The following DOCK1 variants were observed in gnomAD, a reference collection of about 807,000 sequenced individuals.
DOCK1 encodes the protein dedicator of cytokinesis 1, also known as dedicator of cytokinesis protein 1.
In DOCK1, 138 loss-of-function variants were observed where a neutral mutation model predicts 262.7. The observed-to-expected ratio is 0.53, with a 90% CI of 0.46 to 0.61. DOCK1 has a LOEUF of 0.61. Among genes scored for constraint, DOCK1 ranks in the 20% least tolerant of loss-of-function variants. The probability of loss-of-function intolerance (pLI) is 0.00; values close to 1 mark genes in which losing one functional copy is unlikely to be tolerated. For missense variants in DOCK1, 1,908 were observed against 2,370.7 expected (o/e 0.80, Z 4.05); for synonymous variants, 866 against 867.4 (o/e 1.00, Z 0.03).
rs2033484111 is a variant in DOCK1 at position 126,924,247 on chromosome 10, AACTGAGT to A, written c.46+18685_46+18691del. On this transcript the variant is annotated intron_variant, in intron 1 of 51. Coordinates refer to ENST00000623213, the MANE Select transcript of DOCK1 (RefSeq NM_001290223.2). ...CTGAATGCTGGAACTGAGCAGGGGG[AACTGAGT>A]GCTGGAACTCAGTAGGGGGAGGCTG... 5.0e-5 allele frequency among the ~76,000 whole-genome samples: 7 copies of A among 139,194 alleles called. 1 individual carries two copies. Among genetic ancestry groups the A allele is most frequent in the African/African-American group, 1.9e-4 (7 of 36,786 alleles). The allele number at this position is 139,194 out of a possible 152,430, so 91.3% of individuals were successfully genotyped here.
chr10:127,226,109 T>C (rs1222068142), intron 27 of DOCK1, among the ~76,000 whole-genome samples: 1 of 150,044 alleles, frequency 6.7e-6, no homozygotes, highest in Non-Finnish European at 1.5e-5. Context: ...ATGTAGTTAA[T>C]AGCATATGCT....
chr10:127,273,012 C>A (rs2060623826), intron 29 of DOCK1, among the ~76,000 whole-genome samples: 1 of 152,136 alleles, frequency 6.6e-6, no homozygotes, highest in East Asian at 1.9e-4. Flanking sequence ...CCTCCCACAA[C>A]ACGTGGGAAT....
intron 1 of DOCK1, among the ~76,000 whole-genome samples, chr10:126,926,046 G>GCA (rs2033690743): frequency 6.6e-6 from 1 of 152,026 alleles, no homozygotes. Flanking sequence ...GCCTCAGTTT[G>GCA]CACATCTGTA....
At chr10:127,091,536 G>T (rs1390113999) in intron 23 of DOCK1, among the ~76,000 whole-genome samples, 1 of 152,192 alleles carries the variant, frequency 6.6e-6, no homozygotes, top group South Asian at 2.1e-4. Context: ...TCTTCACTGG[G>T]GATCAAGGTC....
intron 29 of DOCK1, among the ~76,000 whole-genome samples, chr10:127,304,392 A>AT (rs1176328426): frequency 1.3e-5 from 2 of 152,118 alleles, no homozygotes; most frequent in African/African-American, 2.4e-5. Flanking sequence ...ATATATTTGT[A>AT]TTTTCACTAA....
chr10:127,195,494 C>A (rs2057049995), intron 27 of DOCK1, among the ~76,000 whole-genome samples: 1 of 152,130 alleles, frequency 6.6e-6, no homozygotes, highest in Non-Finnish European at 1.5e-5. Context: ...CCTCAACGGC[C>A]GGCGTCAGGG....
intron 4 of DOCK1, among the ~76,000 whole-genome samples, chr10:126,984,519 G>T (rs1274593865): frequency 6.7e-6 from 1 of 149,012 alleles, no homozygotes; most frequent in Admixed American, 6.7e-5. Context: ...GCTAATTTTT[G>T]TGTGTGTGTG....
intron 1 of DOCK1, among the ~76,000 whole-genome samples, chr10:126,965,716 T>C (rs2037623358): frequency 6.6e-6 from 1 of 152,146 alleles, no homozygotes; most frequent in African/African-American, 2.4e-5. Flanking sequence ...TGCTTTTCCC[T>C]GAATGGGTGT....
At chr10:127,061,919 A>C in intron 23 of DOCK1, 143 bp downstream of exon 23, 1 of 482,648 alleles carries the variant, frequency 2.1e-6, no homozygotes, top group Non-Finnish European at 3.5e-6. Context: ...ATTTGATTTC[A>C]AGAGCTGTGC....
At chr10:127,154,343 A>G (rs2052818299) in intron 27 of DOCK1, among the ~76,000 whole-genome samples, 1 of 152,240 alleles carries the variant, frequency 6.6e-6, no homozygotes, top group African/African-American at 2.4e-5. Context: ...TGCGGCCTGC[A>G]GGCCAAATCC....
rs576274303 is a variant in DOCK1, at chr10:127,046,153, G to A, written c.2201+2989G>A. Among the ~76,000 whole-genome samples, 588 of 152,128 alleles carry A rather than the reference G, an allele frequency of 3.9e-3. 1 individual carries two copies. Among genetic ancestry groups the A allele is most frequent in the Middle Eastern group, 0.014 (4 of 294 alleles). ...GTTCTATGGAATGTTTATTCCCTGGGATATTAATATATGTAATAAGAGGTG... is the reference window on the plus strand; with the variant it reads ...GTTCTATGGAATGTTTATTCCCTGGAATATTAATATATGTAATAAGAGGTG... On this transcript the variant is annotated intron_variant, in intron 21 of 51. Coordinates refer to ENST00000623213, the MANE Select transcript of DOCK1 (RefSeq NM_001290223.2).
At chr10:127,443,061 G>T (rs142770717) in intron 49 of DOCK1, among the ~76,000 whole-genome samples, 9 of 152,200 alleles carry the variant, frequency 5.9e-5, no homozygotes, top group African/African-American at 2.2e-4. Flanking sequence ...GGCTGTGAGG[G>T]AGAGTCTACA....
chr10:126,982,503 G>A (rs1469866567), intron 4 of DOCK1, among the ~76,000 whole-genome samples: 1 of 152,170 alleles, frequency 6.6e-6, no homozygotes, highest in African/African-American at 2.4e-5. Flanking sequence ...AGGCAGGAAT[G>A]GCAGATGAAT....
intron 27 of DOCK1, among the ~76,000 whole-genome samples, chr10:127,181,408 A>C (rs1417372496): frequency 6.6e-6 from 1 of 152,164 alleles, no homozygotes; most frequent in African/African-American, 2.4e-5. Flanking sequence ...GTCCGTGCTG[A>C]TTTGCAGGTT....
At chr10:127,274,245 A>G (rs1481926127) in intron 29 of DOCK1, among the ~76,000 whole-genome samples, 3 of 152,188 alleles carry the variant, frequency 2.0e-5, no homozygotes, top group South Asian at 4.1e-4. Context: ...TTTAGCTTAA[A>G]GAAACCATAT....
chr10:127,366,192 G>T (rs117426447), intron 33 of DOCK1, among the ~76,000 whole-genome samples: 1 of 151,910 alleles, frequency 6.6e-6, no homozygotes, highest in Non-Finnish European at 1.5e-5. Context: ...CTCTGCAGAC[G>T]AGGGATAGCG....
At chr10:127,299,247 C>T (rs774767930) in intron 29 of DOCK1, among the ~76,000 whole-genome samples, 6 of 152,130 alleles carry the variant, frequency 3.9e-5, no homozygotes, top group Admixed American at 6.5e-5. Context: ...TACAGGCATG[C>T]GCCACCACAC....
At chr10:127,280,097 C>G (rs1354178925) in intron 29 of DOCK1, among the ~76,000 whole-genome samples, 16 of 145,858 alleles carry the variant, frequency 1.1e-4, no homozygotes, top group Admixed American at 1.0e-3. Context: ...TGCAGCGGCG[C>G]GATCTCGGCT....
At chr10:126,947,395 A>G (rs2035542086) in intron 1 of DOCK1, among the ~76,000 whole-genome samples, 1 of 137,392 alleles carries the variant, frequency 7.3e-6, no homozygotes, top group Non-Finnish European at 1.6e-5. Flanking sequence ...GGTAGTTGGT[A>G]GTATTACTGT....
Sources: allele counts gnomAD v4.1 joint callset (sites outside exome capture counted in the v4.1 genomes callset), GRCh38; gene constraint gnomAD v4.1.1; transcripts MANE v1.5; gene names NCBI Gene and HGNC (gene_info 2026-07-23, HGNC 2026-07-21).